Variants in KIAA1549 observed in about 807,000 individuals in gnomAD.
The protein encoded by KIAA1549 is KIAA1549.
In KIAA1549, 70 loss-of-function variants were observed where a neutral mutation model predicts 156.4. The ratio of observed to expected loss-of-function variants is 0.45; its 90% CI spans 0.37 to 0.55. KIAA1549 has a LOEUF of 0.55. KIAA1549 is among the 20% of genes least tolerant of loss of function. KIAA1549 has a pLI of 0.00. For synonymous variants in KIAA1549, 1,103 were observed against 1,066.4 expected, an observed-to-expected ratio of 1.03 and a Z score of -0.67; for missense variants, 2,428 against 2,540.9, an observed-to-expected ratio of 0.96 and a Z score of 0.96.
chr7:138,865,402 A>C (rs544518613), intron 15 of KIAA1549, among the ~76,000 whole-genome samples: 1 of 152,200 alleles, frequency 6.6e-6, no homozygotes, highest in African/African-American at 2.4e-5. Context: ...AAGGTAATTC[A>C]AAAACACATA....
chr7:138,844,244 G>C, intron 18 of KIAA1549, 73 bp downstream of exon 18: 1 of 1,553,912 alleles, frequency 6.4e-7, no homozygotes, highest in Non-Finnish European at 8.8e-7. Flanking sequence ...GACACTCTGA[G>C]ACACCTAAAA....
chr7:138,833,111 T>C lies in KIAA1549; in HGVS notation c.*4795A>G, dbSNP rs1307858046. Reference sequence around the variant, plus strand: ...CCAGGGCAAATGTGGATAAGCAGGCTCTAGTACTGGCGCTGGCACCTTGCT... The same window carrying C: ...CCAGGGCAAATGTGGATAAGCAGGCCCTAGTACTGGCGCTGGCACCTTGCT... On this transcript the variant is annotated 3_prime_UTR_variant, in exon 20 of 20. Coordinates refer to ENST00000422774, the MANE Select transcript of KIAA1549 (RefSeq NM_001164665.2). The C allele has an allele frequency of 4.3e-6, 1 of 232,332 alleles. No homozygotes were observed. The highest frequency in any genetic ancestry group is 5.6e-5 in the Admixed American group (1 of 17,756). The allele number at this position is 232,332 out of a possible 1,614,324, so 14.4% of individuals were successfully genotyped here. A position where few individuals can be genotyped will look rare whatever the true frequency, so the allele number is the denominator to read the frequency against.
At chr7:138,873,601 A>T (rs1263502773) in intron 12 of KIAA1549, among the ~76,000 whole-genome samples, 1 of 141,802 alleles carries the variant, frequency 7.1e-6, no homozygotes, top group Non-Finnish European at 1.5e-5. Context: ...ACAGGCATTA[A>T]AAAAAAAAAA....
intron 16 of KIAA1549, among the ~76,000 whole-genome samples, chr7:138,859,128 T>C (rs1810481923): frequency 6.6e-6 from 1 of 152,048 alleles, no homozygotes; most frequent in African/African-American, 2.4e-5. Context: ...TCTGGCAGTG[T>C]TCAGTTTCAG....
chr7:138,870,856 C>CA (rs1410588768), intron 13 of KIAA1549, among the ~76,000 whole-genome samples: 4 of 152,140 alleles, frequency 2.6e-5, no homozygotes, highest in African/African-American at 9.7e-5. Flanking sequence ...CTCACTCTGT[C>CA]AACCAGGCTG....
chr7:138,921,780 G>A lies in KIAA1549; in HGVS notation c.188-2342C>T, dbSNP rs575920303. Among the ~76,000 whole-genome samples the A allele has an allele frequency of 3.9e-5, 6 of 152,116 alleles. No individual in the cohort carries two copies. In the South Asian group the frequency reaches 8.3e-4, roughly 21 times the overall value. On this transcript the variant is annotated intron_variant, in intron 1 of 19. Transcript: ENST00000422774. ...CTCAGGAGGCTGAGGCAGGAGAATC[G>A]CTTGAACCCAGGAGGCGGAGGGTTC... is the stretch of plus-strand genomic sequence containing the variant.
chr7:138,864,123 G>A (rs991019025), intron 15 of KIAA1549, among the ~76,000 whole-genome samples: 1 of 152,234 alleles, frequency 6.6e-6, no homozygotes, highest in Non-Finnish European at 1.5e-5. Flanking sequence ...CAGAAGCGAT[G>A]TTCCTGGCGG....
intron 1 of KIAA1549, among the ~76,000 whole-genome samples, chr7:138,953,151 T>A (rs1449969751): frequency 6.6e-6 from 1 of 152,118 alleles, no homozygotes; most frequent in Non-Finnish European, 1.5e-5. Flanking sequence ...AGGCCAGAAG[T>A]TCGAGACCAG....
chr7:138,889,804 C>T (rs1480088870), intron 10 of KIAA1549, among the ~76,000 whole-genome samples: 1 of 150,870 alleles, frequency 6.6e-6, no homozygotes, highest in Non-Finnish European at 1.5e-5. Context: ...AAAACAAAAG[C>T]CATCTACACA....
Position 138,911,149 on chromosome 7 carries a change from T to C in KIAA1549, c.3142A>G (p.Thr1048Ala). 1.3e-6 allele frequency: 2 copies of C among 1,581,718 alleles called. No homozygotes were observed. Among genetic ancestry groups the C allele is most frequent in the Non-Finnish European group, 1.7e-6 (2 of 1,165,024 alleles). Residue 1048 changes from threonine (T) to alanine (A), a missense_variant, in exon 4 of 20, where the codon ACA becomes GCA. Coordinates refer to ENST00000422774, the MANE Select transcript of KIAA1549 (RefSeq NM_001164665.2). ...CAACTATGCTGAGCTGTCTCACCTG[T>C]TTGAACTTGGAACCTGGACTCTGGC... is the stretch of plus-strand genomic sequence containing the variant. ...LVPESRFQVQ[T>A]VLQFVPPSVD... is the part of the protein sequence containing the mutation.
intron 1 of KIAA1549, among the ~76,000 whole-genome samples, chr7:138,919,913 C>T (rs767443712): frequency 3.9e-5 from 6 of 152,104 alleles, no homozygotes; most frequent in African/African-American, 1.2e-4. Flanking sequence ...CTGGCTGCTA[C>T]GAGAAATGAA....
At chr7:138,940,516 TTGGGTATATACCCAGTAA>T in intron 1 of KIAA1549, among the ~76,000 whole-genome samples, 1 of 151,578 alleles carries the variant, frequency 6.6e-6, no homozygotes, top group African/African-American at 2.4e-5. Context: ...TTATAATCCT[TTGGGTATATACCCAGTAA>T]TGGGATGGCT....
chr7:138,842,693 CAA>C (rs34144804), intron 18 of KIAA1549, among the ~76,000 whole-genome samples: 2 of 140,628 alleles, frequency 1.4e-5, no homozygotes. Flanking sequence ...AACTCTGTCT[CAA>C]AAAAAAAAAA....
chr7:138,839,278 A>C (rs1042381919), intron 19 of KIAA1549, among the ~76,000 whole-genome samples: 20 of 152,234 alleles, frequency 1.3e-4, no homozygotes, highest in African/African-American at 4.6e-4. Flanking sequence ...GAAAACAAAA[A>C]GTAATATTCT....
chr7:138,935,214 A>C (rs1812975433), intron 1 of KIAA1549, among the ~76,000 whole-genome samples: 1 of 152,206 alleles, frequency 6.6e-6, no homozygotes, highest in African/African-American at 2.4e-5. Context: ...ATTCTAGCTA[A>C]AACATCAGTT....
In KIAA1549 at chr7:138,871,310, G is replaced by A. The variant is rs562894245; in HGVS notation, c.4398C>T (p.Phe1466=). ...GNEQHSSASI[F]EHVDRISRPP... ...GGCGGGAGATCCTGTCCACGTGCTC[G>A]AAGATGGAGGCTGATGAGTGCTGCT... is the stretch of plus-strand genomic sequence containing the variant. Residue 1466 remains phenylalanine, a synonymous_variant, in exon 13 of 20, where the codon TTC becomes TTT. Transcript: ENST00000422774. 3.4e-5 allele frequency: 54 copies of A among 1,603,874 alleles called. No homozygotes were observed. The highest frequency in any genetic ancestry group is 1.9e-4 in the South Asian group (17 of 89,282).
intron 1 of KIAA1549, among the ~76,000 whole-genome samples, chr7:138,931,554 C>A (rs1015706394): frequency 2.6e-5 from 4 of 151,718 alleles, no homozygotes; most frequent in African/African-American, 9.7e-5. Flanking sequence ...GACTTCAAGA[C>A]CAGCCTGGCC....
At chr7:138,929,758 T>C (rs929734309) in intron 1 of KIAA1549, among the ~76,000 whole-genome samples, 1 of 152,220 alleles carries the variant, frequency 6.6e-6, no homozygotes, top group Non-Finnish European at 1.5e-5. Flanking sequence ...GGTACAATTA[T>C]AGCTCACAGC....
At chr7:138,896,105 A>G (rs1227592229) in intron 9 of KIAA1549, among the ~76,000 whole-genome samples, 1 of 152,132 alleles carries the variant, frequency 6.6e-6, no homozygotes, top group Non-Finnish European at 1.5e-5. Flanking sequence ...TTCCTGTTAT[A>G]TAAATGGATA....
Sources: gnomAD v4.1 joint callset for allele counts (sites outside exome capture counted in the v4.1 genomes callset) on GRCh38, gnomAD v4.1.1 for gene constraint, MANE v1.5 for transcripts, NCBI Gene and HGNC (gene_info 2026-07-23, HGNC 2026-07-21) for gene names.